CRPPA: variants seen among roughly 807,000 people sequenced by gnomAD.
The protein encoded by CRPPA is D-ribitol-5-phosphate cytidylyltransferase.
Under a neutral mutation model 52.0 loss-of-function variants are expected in CRPPA, and 43 were observed. The observed-to-expected ratio is 0.83, with a 90% CI of 0.65 to 1.07. CRPPA has a LOEUF of 1.07. Among genes scored for constraint, CRPPA ranks in the 50% least tolerant of loss-of-function variants. The pLI is 0.00. For missense variants in CRPPA, 629 were observed against 551.7 expected (o/e 1.14, Z -1.40); for synonymous variants, 250 against 203.5 (o/e 1.23, Z -1.94).
At chr7:16,279,008 T>C (rs1048519879) in intron 5 of CRPPA, among the ~76,000 whole-genome samples, 3 of 152,224 alleles carry the variant, frequency 2.0e-5, no homozygotes, top group Admixed American at 1.3e-4. Flanking sequence ...TCTTTCTGTC[T>C]TATAATTAAC....
chr7:16,371,949 G>T (rs749107408), intron 3 of CRPPA, among the ~76,000 whole-genome samples: 69 of 151,876 alleles, frequency 4.5e-4, no homozygotes, highest in Non-Finnish European at 8.8e-4. Context: ...ACTAGAAGAC[G>T]CAGAAGAAAG....
In CRPPA at chr7:16,091,673, A is replaced by T; in HGVS notation, c.*22T>A. The T allele has an allele frequency of 7.4e-7, 1 of 1,352,894 alleles. No individual in the cohort carries two copies. The highest frequency in any genetic ancestry group is 2.5e-5 in the East Asian group (1 of 40,144). The allele number at this position is 1,352,894 out of a possible 1,614,324, so 83.8% of individuals were successfully genotyped here. A position where few individuals can be genotyped will look rare whatever the true frequency, so the allele number is the denominator to read the frequency against. ...AGATACGCAAATAGATGTTTTAGAA[A>T]ATAGGTAATTTTTTGTGTTCTTCAT... is the stretch of plus-strand genomic sequence containing the variant. On this transcript the variant is annotated 3_prime_UTR_variant, in exon 10 of 10. Coordinates refer to ENST00000407010, the MANE Select transcript of CRPPA (RefSeq NM_001101426.4).
intron 3 of CRPPA, among the ~76,000 whole-genome samples, chr7:16,336,316 A>T (rs1417208679): frequency 1.3e-5 from 2 of 152,180 alleles, no homozygotes; most frequent in African/African-American, 2.4e-5. Context: ...TTGTTAAGAG[A>T]TACAAATTAT....
At chr7:16,380,576 T>A (rs1787056181) in intron 2 of CRPPA, among the ~76,000 whole-genome samples, 1 of 152,204 alleles carries the variant, frequency 6.6e-6, no homozygotes, top group Non-Finnish European at 1.5e-5. Flanking sequence ...TACCAGTTCT[T>A]CCTTGTACCT....
At chr7:16,369,947 C>G (rs764168829) in intron 3 of CRPPA, among the ~76,000 whole-genome samples, 1 of 152,188 alleles carries the variant, frequency 6.6e-6, no homozygotes, top group African/African-American at 2.4e-5. Flanking sequence ...ACTGGGGAAT[C>G]TGAAAATCCA....
At chr7:16,418,118 T>C (rs1419520673) in intron 1 of CRPPA, among the ~76,000 whole-genome samples, 1 of 152,240 alleles carries the variant, frequency 6.6e-6, no homozygotes, top group East Asian at 1.9e-4. Context: ...GTAGGGCTGA[T>C]CTTTTACAGA....
chr7:16,202,258 C>T (rs1389336168), intron 9 of CRPPA, among the ~76,000 whole-genome samples: 1 of 152,104 alleles, frequency 6.6e-6, no homozygotes, highest in African/African-American at 2.4e-5. Context: ...ACCGCTATAA[C>T]TTGAACCTAT....
At chr7:16,373,714 T>C (rs915649163) in intron 3 of CRPPA, among the ~76,000 whole-genome samples, 2 of 152,190 alleles carry the variant, frequency 1.3e-5, no homozygotes, top group African/African-American at 4.8e-5. Context: ...GAAAGTAAGG[T>C]TCTAGATAGT....
intron 6 of CRPPA, among the ~76,000 whole-genome samples, chr7:16,268,684 A>T (rs1784017807): frequency 1.3e-5 from 2 of 152,224 alleles, no homozygotes; most frequent in African/African-American, 4.8e-5. Flanking sequence ...TTTTTTAAAC[A>T]GTACATTTCT....
intron 2 of CRPPA, among the ~76,000 whole-genome samples, chr7:16,387,992 T>C (rs1026170400): frequency 7.9e-5 from 12 of 152,200 alleles, no homozygotes; most frequent in African/African-American, 2.7e-4. Flanking sequence ...TTTTCTTTCT[T>C]TGTTGGGGGA....
intron 5 of CRPPA, among the ~76,000 whole-genome samples, chr7:16,286,562 A>ATCAACAGATGC (rs72323274): frequency 4.6e-5 from 7 of 151,666 alleles, no homozygotes; most frequent in Non-Finnish European, 8.8e-5. Flanking sequence ...TTACTCATCA[A>ATCAACAGATGC]TTCCTACCAA....
chr7:16,396,940 A>G (rs1478896042), intron 2 of CRPPA, among the ~76,000 whole-genome samples: 2 of 152,240 alleles, frequency 1.3e-5, no homozygotes, highest in Non-Finnish European at 2.9e-5. Flanking sequence ...TGAAAAAACA[A>G]CTGTGACATG....
chr7:16,205,609 C>A (rs1404941697), intron 9 of CRPPA, among the ~76,000 whole-genome samples: 1 of 152,118 alleles, frequency 6.6e-6, no homozygotes, highest in Admixed American at 6.5e-5. Context: ...CTTATGTAAC[C>A]ATTTTCATCT....
At chr7:16,392,458 C>A (rs183874624) in intron 2 of CRPPA, among the ~76,000 whole-genome samples, 1 of 152,270 alleles carries the variant, frequency 6.6e-6, no homozygotes, top group Admixed American at 6.5e-5. Context: ...CTTATATTAT[C>A]TGAAAGACCT....
chr7:16,341,594 A>G (rs565823313), intron 3 of CRPPA, among the ~76,000 whole-genome samples: 38 of 152,270 alleles, frequency 2.5e-4, no homozygotes, highest in Middle Eastern at 3.4e-3. Flanking sequence ...ACTGCAATCC[A>G]CAGAAAGTAC....
intron 2 of CRPPA, among the ~76,000 whole-genome samples, chr7:16,390,385 C>T (rs4721495): frequency 0.072 from 11,023 of 152,104 alleles, 481 homozygotes; most frequent in Admixed American, 0.12. Context: ...TCTTCCTATG[C>T]TTTCTGGAAT....
chr7:16,381,820 C>CT (rs1275040269), intron 2 of CRPPA, among the ~76,000 whole-genome samples: 1 of 151,696 alleles, frequency 6.6e-6, no homozygotes, highest in Non-Finnish European at 1.5e-5. Flanking sequence ...CAACCCCTGC[C>CT]TTTTTTTGTT....
At chr7:16,170,784 C>G (rs1227636576) in intron 9 of CRPPA, among the ~76,000 whole-genome samples, 3 of 152,200 alleles carry the variant, frequency 2.0e-5, no homozygotes, top group Non-Finnish European at 4.4e-5. Flanking sequence ...GCCAGCAGTG[C>G]TGGGGGACCT....
chr7:16,387,066 T>TACAC (rs1554352481), intron 2 of CRPPA, among the ~76,000 whole-genome samples: 1 of 109,070 alleles, frequency 9.2e-6, no homozygotes, highest in Non-Finnish European at 1.8e-5. Context: ...TATATATATA[T>TACAC]ATATATATAT....
Sources: gnomAD v4.1 joint callset for allele counts (sites outside exome capture counted in the v4.1 genomes callset) on GRCh38, gnomAD v4.1.1 for gene constraint, MANE v1.5 for transcripts, NCBI Gene and HGNC (gene_info 2026-07-23, HGNC 2026-07-21) for gene names.